Variants in DOCK7 observed in about 807,000 individuals in gnomAD.
The protein encoded by DOCK7 is dedicator of cytokinesis protein 7.
A neutral mutation model predicts 271.0 loss-of-function variants in DOCK7; 138 were observed. The ratio of observed to expected loss-of-function variants is 0.51; its 90% CI spans 0.44 to 0.59. DOCK7 has a LOEUF of 0.59. Among genes scored for constraint, DOCK7 ranks in the 20% least tolerant of loss-of-function variants. The pLI is 0.00. For missense variants in DOCK7, 2,066 were observed against 2,592.4 expected (o/e 0.80, Z 4.41); for synonymous variants, 823 against 876.1 (o/e 0.94, Z 1.07).
rs149694288 is a variant in DOCK7 at position 62,684,324 on chromosome 1, G to A, written c.38+3903C>T. 3.8e-3 allele frequency among the ~76,000 whole-genome samples: 582 copies of A among 152,204 alleles called. 6 individuals are homozygous for A. The highest frequency in any genetic ancestry group is 0.013 in the African/African-American group (529 of 41,540). ...CCTCATCTAGAAAATGATAACAACAGTAAGTAATATGGAAATCATAATAGC... is the reference window on the plus strand; with the variant it reads ...CCTCATCTAGAAAATGATAACAACAATAAGTAATATGGAAATCATAATAGC... On this transcript the variant is annotated intron_variant, in intron 1 of 49. Coordinates refer to ENST00000635253, the MANE Select transcript of DOCK7 (RefSeq NM_001367561.1).
At chr1:62,625,498 A>G in intron 11 of DOCK7, 97 bp from the exon 12 acceptor site, 1 of 1,238,272 alleles carries the variant, frequency 8.1e-7, no homozygotes, top group Non-Finnish European at 1.1e-6. Context: ...TAAATTGAAA[A>G]TTACCCACTC....
intron 2 of DOCK7, among the ~76,000 whole-genome samples, chr1:62,658,081 TAAACAGGA>T (rs1202834754): frequency 6.8e-6 from 1 of 146,064 alleles, no homozygotes; most frequent in Non-Finnish European, 1.5e-5. Flanking sequence ...AAGCAAACCT[TAAACAGGA>T]TAAACCCAAA....
intron 14 of DOCK7, chr1:62,609,593 C>T (rs1651483045): frequency 6.6e-6 from 1 of 152,254 alleles, no homozygotes; most frequent in Non-Finnish European, 1.5e-5. Context: ...ACAGGTTCTT[C>T]CGTGTCATTT....
chr1:62,490,060 C>T (rs1405441536), intron 41 of DOCK7, among the ~76,000 whole-genome samples: 4 of 126,154 alleles, frequency 3.2e-5, no homozygotes, highest in African/African-American at 2.9e-5. Context: ...ATCCCTTATC[C>T]TTTTTTTTTT....
chr1:62,463,945 T>G (rs1645601603), intron 48 of DOCK7, among the ~76,000 whole-genome samples: 1 of 152,162 alleles, frequency 6.6e-6, no homozygotes, highest in Non-Finnish European at 1.5e-5. Flanking sequence ...ACAGCAAATG[T>G]TATAAATATT....
intron 27 of DOCK7, 57 bp downstream of exon 27, chr1:62,539,488 A>G: frequency 7.1e-7 from 1 of 1,405,942 alleles, no homozygotes; most frequent in South Asian, 1.3e-5. Context: ...AACTTTGAAA[A>G]GAACTAACAT....
At chr1:62,497,731 C>T (rs1326599329) in intron 37 of DOCK7, among the ~76,000 whole-genome samples, 2 of 152,320 alleles carry the variant, frequency 1.3e-5, no homozygotes, top group East Asian at 1.9e-4. Context: ...CCTAGCACCA[C>T]GGAACTTTTT....
intron 34 of DOCK7, among the ~76,000 whole-genome samples, chr1:62,508,958 T>C (rs1048544384): frequency 1.3e-5 from 2 of 152,168 alleles, no homozygotes; most frequent in African/African-American, 4.8e-5. Flanking sequence ...TACAAGGCCA[T>C]ATTAAACACT....
chr1:62,659,424 A>T (rs1214773302), intron 2 of DOCK7, among the ~76,000 whole-genome samples: 1 of 152,170 alleles, frequency 6.6e-6, no homozygotes, highest in Non-Finnish European at 1.5e-5. Flanking sequence ...CAACACTATA[A>T]ATCAAAATGG....
chr1:62,473,883 C>A, intron 48 of DOCK7, 99 bp downstream of exon 48: 1 of 894,720 alleles, frequency 1.1e-6, no homozygotes, highest in African/African-American at 1.7e-5. Flanking sequence ...CTGTGCCTAG[C>A]CTATTTTCTC....
Position 62,505,627 on chromosome 1 carries a change from C to T in DOCK7, c.4611+55G>A, listed in dbSNP as rs927203660. 23 of 1,548,670 alleles carry T rather than the reference C, an allele frequency of 1.5e-5. No individual in the cohort carries two copies. The African/African-American group carries it at 3.2e-4, about 21-fold the overall frequency. On this transcript the variant is annotated intron_variant, in intron 36 of 49. Coordinates refer to ENST00000635253, the MANE Select transcript of DOCK7 (RefSeq NM_001367561.1). ...AATGAATGTGTCAAATGATCTTAGACAATGTTAATAAAAAAAACAAAGTCT... is the reference window on the plus strand; with the variant it reads ...AATGAATGTGTCAAATGATCTTAGATAATGTTAATAAAAAAAACAAAGTCT...
At chr1:62,688,180 C>T (rs1662060504) in intron 1 of DOCK7, 47 bp downstream of exon 1, 1 of 1,352,580 alleles carries the variant, frequency 7.4e-7, no homozygotes, top group African/African-American at 1.5e-5. Flanking sequence ...GACTCCGCGG[C>T]TCTTTCTCGG....
intron 7 of DOCK7, among the ~76,000 whole-genome samples, chr1:62,642,058 T>TTAAAATA (rs1656096047): frequency 6.6e-6 from 1 of 152,052 alleles, no homozygotes; most frequent in South Asian, 2.1e-4. Flanking sequence ...ATACTTATTC[T>TTAAAATA]TAAGACTTAT....
chr1:62,668,628 C>T (rs1389307828), intron 1 of DOCK7, among the ~76,000 whole-genome samples: 2 of 152,188 alleles, frequency 1.3e-5, no homozygotes, highest in African/African-American at 4.8e-5. Context: ...AGCAGTGGCT[C>T]ATGCCTGTAA....
chr1:62,619,520 C>T (rs1403283533), intron 13 of DOCK7, among the ~76,000 whole-genome samples: 1 of 152,102 alleles, frequency 6.6e-6, no homozygotes, highest in Non-Finnish European at 1.5e-5. Context: ...AGATTAATAA[C>T]CCTAACTCAT....
chr1:62,640,903 T>C (rs1166355352), intron 7 of DOCK7, among the ~76,000 whole-genome samples: 1 of 152,190 alleles, frequency 6.6e-6, no homozygotes, highest in Non-Finnish European at 1.5e-5. Context: ...AACAAGTAGG[T>C]CATAGACAAA....
chr1:62,641,376 T>G (rs1042681981), intron 7 of DOCK7: 6 of 400,696 alleles, frequency 1.5e-5, no homozygotes, highest in Non-Finnish European at 2.9e-5. Context: ...GGAACCACAG[T>G]CCACTTTTTG....
chr1:62,564,066 T>C (rs1456096685), intron 18 of DOCK7, among the ~76,000 whole-genome samples: 1 of 151,978 alleles, frequency 6.6e-6, no homozygotes, highest in Non-Finnish European at 1.5e-5. Context: ...CCCAGATTCA[T>C]AAAGCAAGTT....
intron 18 of DOCK7, among the ~76,000 whole-genome samples, chr1:62,564,659 A>G (rs1330092555): frequency 1.3e-5 from 2 of 152,186 alleles, no homozygotes; most frequent in Non-Finnish European, 2.9e-5. Context: ...AGCAAGAGTA[A>G]ATAAAGTCAA....
Sources: allele counts gnomAD v4.1 joint callset (sites outside exome capture counted in the v4.1 genomes callset), GRCh38; gene constraint gnomAD v4.1.1; transcripts MANE v1.5; gene names NCBI Gene and HGNC (gene_info 2026-07-23, HGNC 2026-07-21).